The following FBXO33 variants were observed in gnomAD, a reference collection of about 807,000 sequenced individuals.
FBXO33 encodes F-box protein 33, also known as F-box only protein 33.
Under a neutral mutation model 46.3 loss-of-function variants are expected in FBXO33, and 22 were observed. The ratio of observed to expected loss-of-function variants is 0.48; its 90% CI spans 0.34 to 0.68. FBXO33 has a LOEUF of 0.68. Among genes scored for constraint, FBXO33 ranks in the 30% least tolerant of loss-of-function variants. The pLI is 0.01. For synonymous variants in FBXO33, 337 were observed against 291.3 expected (o/e 1.16, Z -1.60); for missense variants, 692 against 708.8 (o/e 0.98, Z 0.27).
chr14:39,421,828 A>G (rs1344310239), intron 1 of FBXO33, among the ~76,000 whole-genome samples: 3 of 151,720 alleles, frequency 2.0e-5, no homozygotes, highest in Non-Finnish European at 4.4e-5. Context: ...AAACACACGC[A>G]CGAGTAAGAA....
chr14:39,415,244 C>G (rs1373740659), intron 1 of FBXO33, among the ~76,000 whole-genome samples: 4 of 151,960 alleles, frequency 2.6e-5, no homozygotes, highest in Non-Finnish European at 5.9e-5. Flanking sequence ...CTGCCATTAC[C>G]CATGATCATG....
At chr14:39,415,929 A>G (rs1447542101) in intron 1 of FBXO33, among the ~76,000 whole-genome samples, 2 of 152,248 alleles carry the variant, frequency 1.3e-5, no homozygotes, top group Non-Finnish European at 2.9e-5. Context: ...GGCCTCCCAA[A>G]GTGCTGGAAT....
intron 1 of FBXO33, among the ~76,000 whole-genome samples, chr14:39,428,419 C>T (rs535619825): frequency 6.6e-6 from 1 of 152,144 alleles, no homozygotes; most frequent in Non-Finnish European, 1.5e-5. Context: ...AGGCTGGTCT[C>T]GAACTCCTGA....
At chr14:39,414,514 G>A (rs982911361) in intron 1 of FBXO33, among the ~76,000 whole-genome samples, 1 of 152,190 alleles carries the variant, frequency 6.6e-6, no homozygotes, top group African/African-American at 2.4e-5. Context: ...GGTACAAGAG[G>A]CCTAGTTTCT....
intron 1 of FBXO33, among the ~76,000 whole-genome samples, chr14:39,411,575 C>A (rs1002124460): frequency 1.3e-5 from 2 of 150,272 alleles, no homozygotes; most frequent in African/African-American, 4.9e-5. Flanking sequence ...CAGGCTGGAG[C>A]GCAGTGGCCA....
At chr14:39,421,869 G>A (rs1400855355) in intron 1 of FBXO33, among the ~76,000 whole-genome samples, 1 of 151,820 alleles carries the variant, frequency 6.6e-6, no homozygotes, top group East Asian at 1.9e-4. Context: ...ATTTTTAGAT[G>A]TATTTAGGGA....
chr14:39,431,187 T>A (rs1175051803), intron 1 of FBXO33, among the ~76,000 whole-genome samples: 1 of 152,138 alleles, frequency 6.6e-6, no homozygotes, highest in Non-Finnish European at 1.5e-5. Context: ...AATCGTGTTA[T>A]GTGTATGTTT....
At chr14:39,407,712 G>A (rs2075405429) in intron 1 of FBXO33, among the ~76,000 whole-genome samples, 1 of 152,096 alleles carries the variant, frequency 6.6e-6, no homozygotes, top group South Asian at 2.1e-4. Flanking sequence ...GGACATTTGG[G>A]TTGTTTCCTT....
Position 39,431,788 on chromosome 14 carries a change from C to T in FBXO33, c.375G>A (p.Leu125=), listed in dbSNP as rs1447502949. 9 of 1,612,462 alleles carry T rather than the reference C, an allele frequency of 5.6e-6. No individual in the cohort carries two copies. The African/African-American group carries it at 1.1e-4, about 19-fold the overall frequency. ...AGCCGCACTTGCGCATGAGGAATTC[C>T]AGCCGAGGCTGCTCCGCGGGCGAGA... ...LRVSPAEQPR[L]EFLMRKCGWF... Residue 125 remains leucine, a synonymous_variant, in exon 1 of 4, where the codon CTG becomes CTA. Coordinates refer to ENST00000298097, the MANE Select transcript of FBXO33 (RefSeq NM_203301.4).
rs761951775 is a variant in FBXO33 at position 39,399,729 on chromosome 14, C to T, written c.1455G>A (p.Leu485=). 1 of 1,613,302 alleles carries T rather than the reference C, an allele frequency of 6.2e-7. No homozygotes were observed. The highest frequency in any genetic ancestry group is 1.7e-5 in the Admixed American group (1 of 59,994). Residue 485 remains leucine (L), a synonymous_variant, in exon 4 of 4, where the codon CTG becomes CTA. Transcript: ENST00000298097. ...TTTCTTCGGTGACTTCAAGCACTTT[C>T]AGATCAGAGCCCCGAAGACGAGCAA... ...IAIARLRGSD[L]KVLEVTEESI...
Position 39,431,833 on chromosome 14 carries a change from C to T in FBXO33, c.330G>A (p.Gln110=). The change falls in exon 1 of 4, where the codon CAG becomes CAA. Residue 110 remains glutamine (Q), a synonymous_variant. Transcript: ENST00000298097. ...GCGAGACGCGGAGGCAGATGCGGAG[C>T]TGGGGCCACAGGGCCGGATAGAAGA... ...ECLFYPALWP[Q]LRICLRVSPA... is the part of the protein sequence containing the mutation. The T allele has an allele frequency of 6.2e-7, 1 of 1,606,996 alleles. No individual in the cohort carries two copies. The highest frequency in any genetic ancestry group is 8.5e-7 in the Non-Finnish European group (1 of 1,178,910).
chr14:39,412,621 GTCT>G (rs34334048), intron 1 of FBXO33, among the ~76,000 whole-genome samples: 40,283 of 151,846 alleles, frequency 0.27, 5,562 homozygotes, highest in East Asian at 0.51. Flanking sequence ...TTCTCTTGCT[GTCT>G]TCCTTTGTGA....
At chr14:39,426,933 C>T (rs1333009973) in intron 1 of FBXO33, among the ~76,000 whole-genome samples, 1 of 152,140 alleles carries the variant, frequency 6.6e-6, no homozygotes, top group Non-Finnish European at 1.5e-5. Context: ...TTCCTTCCTC[C>T]TCTAGAATGA....
In FBXO33 at chr14:39,399,207, C is replaced by T. The variant is rs532688839; in HGVS notation, c.*309G>A. The T allele has an allele frequency of 3.7e-5, 7 of 190,496 alleles. No homozygotes were observed. The East Asian group carries it at 7.7e-4, about 21-fold the overall frequency. 11.8% of individuals were successfully genotyped at this position (190,496 alleles called of 1,614,324 possible). A position where few individuals can be genotyped will look rare whatever the true frequency, so the allele number is the denominator to read the frequency against. On this transcript the variant is annotated 3_prime_UTR_variant, in exon 4 of 4. Transcript: ENST00000298097. ...AACTCTGACACACAAAGAATAAAAA[C>T]GTCAAAAAGGCAGAGTAACTCAGTG...
Position 39,399,315 on chromosome 14 carries a change from G to C in FBXO33, c.*201C>G, listed in dbSNP as rs1043239101. On this transcript the variant is annotated 3_prime_UTR_variant, in exon 4 of 4. Coordinates refer to ENST00000298097, the MANE Select transcript of FBXO33 (RefSeq NM_203301.4). ...GGTAACAAGTCCATTAACCGTGAAAGCCCTATACATTGTCACTTTGAACTT... is the reference window on the plus strand; with the variant it reads ...GGTAACAAGTCCATTAACCGTGAAACCCCTATACATTGTCACTTTGAACTT... The C allele has an allele frequency of 4.2e-5, 19 of 457,438 alleles. No individual in the cohort carries two copies. The highest frequency in any genetic ancestry group is 2.9e-4 in the Admixed American group (8 of 27,824). 28.3% of individuals were successfully genotyped at this position (457,438 alleles called of 1,614,324 possible). A position where few individuals can be genotyped will look rare whatever the true frequency, so the allele number is the denominator to read the frequency against.
At chr14:39,427,710 G>C (rs2075522807) in intron 1 of FBXO33, among the ~76,000 whole-genome samples, 1 of 152,086 alleles carries the variant, frequency 6.6e-6, no homozygotes, top group South Asian at 2.1e-4. Context: ...AGGCAGAAAT[G>C]GGAGAATCAT....
chr14:39,429,496 T>G (rs959496774), intron 1 of FBXO33, among the ~76,000 whole-genome samples: 10 of 152,226 alleles, frequency 6.6e-5, no homozygotes, highest in African/African-American at 2.2e-4. Context: ...TAAAGGAAAC[T>G]AGTCTTATTT....
chr14:39,416,915 G>A (rs760427159), intron 1 of FBXO33, among the ~76,000 whole-genome samples: 1 of 151,922 alleles, frequency 6.6e-6, no homozygotes, highest in Non-Finnish European at 1.5e-5. Flanking sequence ...TCCTTGTATG[G>A]CTGCATTGTT....
At position 39,415,580 on chromosome 14, in the gene FBXO33, C is replaced by T. The variant is rs190300598; in HGVS notation, c.600-13069G>A. 6.4e-3 allele frequency among the ~76,000 whole-genome samples: 974 copies of T among 152,260 alleles called. 3 individuals are homozygous for T. Among genetic ancestry groups the T allele is most frequent in the Non-Finnish European group, 9.1e-3 (616 of 68,014 alleles). The stretch of plus-strand genomic sequence containing the variant: ...TATGCAAAAACTGTACACATTTGCT[C>T]CTGCATACGTTGCTACTGATGTTCT... On this transcript the variant is annotated intron_variant, in intron 1 of 3. Transcript: ENST00000298097.
Sources: allele counts gnomAD v4.1 joint callset (sites outside exome capture counted in the v4.1 genomes callset), GRCh38; gene constraint gnomAD v4.1.1; transcripts MANE v1.5; gene names NCBI Gene and HGNC (gene_info 2026-07-23, HGNC 2026-07-21).